ICAM2: variants seen among roughly 807,000 people sequenced by gnomAD.
ICAM2 encodes the protein ICAM-2.
Under a neutral mutation model 19.1 loss-of-function variants are expected in ICAM2, and 14 were observed. That is an observed-to-expected ratio of 0.73 (90% CI 0.48 to 1.15). The LOEUF is 1.15. ICAM2 is among the 50% of genes most tolerant of loss of function. The pLI is 0.00. For missense variants in ICAM2, 311 were observed against 355.4 expected, an observed-to-expected ratio of 0.88 and a Z score of 1.00; for synonymous variants, 153 against 152.7, an observed-to-expected ratio of 1.00 and a Z score of -0.01.
At chr17:64,003,303 G>A (rs1364629315) in intron 4 of ICAM2, 4 of 436,648 alleles carry the variant, frequency 9.2e-6, no homozygotes, top group South Asian at 2.7e-5. Context: ...TGTGCCGGCC[G>A]TCCAGGGTCA....
intron 2 of ICAM2, 170 bp downstream of exon 2, chr17:64,006,461 T>TGATAG: frequency 1.6e-6 from 1 of 620,102 alleles, no homozygotes; most frequent in South Asian, 2.0e-5. Flanking sequence ...CATGCCACTG[T>TGATAG]ACTCCAGCCT....
intron 1 of ICAM2, among the ~76,000 whole-genome samples, chr17:64,013,612 G>GA (rs1911539823): frequency 6.6e-6 from 1 of 152,060 alleles, no homozygotes; most frequent in Non-Finnish European, 1.5e-5. Flanking sequence ...GTCAAAGGAT[G>GA]AAAAAGATAT....
intron 1 of ICAM2, among the ~76,000 whole-genome samples, chr17:64,010,551 A>AC (rs1485635609): frequency 1.3e-4 from 19 of 151,718 alleles, no homozygotes; most frequent in African/African-American, 3.6e-4. Context: ...AAAAAAAAAA[A>AC]AAACTATTAG....
At position 64,009,924 on chromosome 17, in the gene ICAM2, C is replaced by T. The variant is rs551996412; in HGVS notation, c.-44-3189G>A. ...ACTGATGCCAGCCAGTCTGCAGGAC[C>T]CAATTGATGCCAGCTGGCCTGAAGG... On this transcript the variant is annotated intron_variant, in intron 1 of 4. Transcript: ENST00000579788. Among the ~76,000 whole-genome samples, 4 of 152,234 alleles carry T rather than the reference C, an allele frequency of 2.6e-5. No individual in the cohort carries two copies. The South Asian group carries it at 8.3e-4, about 32-fold the overall frequency.
At position 64,005,114 on chromosome 17, in the gene ICAM2, G is replaced by A. The variant is rs745429341; in HGVS notation, c.321C>T (p.Ser107=). The change falls in exon 3 of 5, where the codon AGC becomes AGT. Residue 107 remains serine, a synonymous_variant. Transcript: ENST00000579788. The part of the protein sequence containing the change: ...GKQESMNSNV[S]VYQPPRQVIL... ...CGCAGCACAGCCACTCACGGTACAC[G>A]CTGACGTTGGAATTCATTGACTCCT... 1.7e-4 allele frequency: 280 copies of A among 1,613,980 alleles called. 1 individual carries two copies. Among genetic ancestry groups the A allele is most frequent in the Non-Finnish European group, 2.1e-4 (249 of 1,180,002 alleles).
Position 64,003,731 on chromosome 17 carries a change from AG to A in ICAM2, c.561del (p.Phe188SerfsTer9). On this transcript the variant is annotated frameshift_variant, in exon 4 of 5. Transcript: ENST00000579788. LOFTEE classifies it high-confidence loss of function. ...AAGTCCAGCACAGCCAGGCAGGAGA[AG>A]TTGCGGTGGCCATCCTCTCTGTCAG... The part of the protein sequence containing the change: ...STADREDGHR[N>X]FSCLAVLDLM... The A allele has an allele frequency of 6.2e-7, 1 of 1,614,180 alleles. No homozygotes were observed. Among genetic ancestry groups the A allele is most frequent in the African/African-American group, 1.3e-5 (1 of 75,070 alleles).
chr17:64,006,935 C>T (rs1158700656), intron 1 of ICAM2, 200 bp from the exon 2 acceptor site: 5 of 559,694 alleles, frequency 8.9e-6, no homozygotes, highest in Non-Finnish European at 1.6e-5. Flanking sequence ...TAACCCAGTC[C>T]TCCCTGCTGA....
intron 2 of ICAM2, chr17:64,005,882 G>A (rs1356927059): frequency 4.9e-5 from 8 of 162,210 alleles, no homozygotes; most frequent in Non-Finnish European, 1.1e-4. Flanking sequence ...CTGCCCTGGC[G>A]GAGCTCCAGT....
At chr17:64,017,020 G>T (rs1285391700) in intron 1 of ICAM2, among the ~76,000 whole-genome samples, 1 of 152,208 alleles carries the variant, frequency 6.6e-6, no homozygotes, top group Non-Finnish European at 1.5e-5. Flanking sequence ...CTTCTATGTT[G>T]TTTTTAATGA....
chr17:64,019,650 C>T (rs1445179167), intron 1 of ICAM2, among the ~76,000 whole-genome samples: 2 of 151,752 alleles, frequency 1.3e-5, no homozygotes, highest in Non-Finnish European at 2.9e-5. Flanking sequence ...CCTGTCGCTA[C>T]CAAAAACACA....
chr17:64,008,933 A>T (rs566082179), intron 1 of ICAM2, among the ~76,000 whole-genome samples: 11 of 152,320 alleles, frequency 7.2e-5, no homozygotes, highest in Admixed American at 2.0e-4. Flanking sequence ...CCCCGAAAGC[A>T]CAGGCCCCAG....
rs1436349218 is a variant in ICAM2 at position 64,002,825 on chromosome 17, C to G, written c.750G>C (p.Gln250His). 13 of 1,613,816 alleles carry G rather than the reference C, an allele frequency of 8.1e-6. No individual in the cohort carries two copies. Among genetic ancestry groups the G allele is most frequent in the Non-Finnish European group, 1.0e-5 (12 of 1,180,008 alleles). The change falls in exon 5 of 5, where the codon CAG becomes CAC. Residue 250 changes from glutamine (Q) to histidine (H), a missense_variant. Transcript: ENST00000579788. The stretch of plus-strand genomic sequence containing the variant: ...TGCCCATCCGCTGCTGGCGCAAGTG[C>G]TGGCCGAAGATGAAGCAGAGCAGGA... ...TSVLLCFIFGQHLRQQRMGTY... is the reference protein window; with the variant it reads ...TSVLLCFIFGHHLRQQRMGTY...
intron 1 of ICAM2, among the ~76,000 whole-genome samples, chr17:64,008,713 C>G (rs750692184): frequency 6.6e-6 from 1 of 152,160 alleles, no homozygotes; most frequent in Non-Finnish European, 1.5e-5. Context: ...TCCCAGGAGA[C>G]CCTCAAGAGG....
chr17:64,017,590 G>A (rs564012336), intron 1 of ICAM2, among the ~76,000 whole-genome samples: 271 of 152,292 alleles, frequency 1.8e-3, no homozygotes, highest in Non-Finnish European at 2.8e-3. Flanking sequence ...GAAACTGAAA[G>A]CTGATTTTAA....
intron 1 of ICAM2, among the ~76,000 whole-genome samples, chr17:64,019,826 A>G (rs1911874713): frequency 6.6e-6 from 1 of 151,012 alleles, no homozygotes; most frequent in South Asian, 2.1e-4. Flanking sequence ...TCAAAAAAAA[A>G]AAAAAAAAAA....
intron 1 of ICAM2, among the ~76,000 whole-genome samples, chr17:64,012,777 C>T (rs575956239): frequency 1.8e-4 from 28 of 152,170 alleles, no homozygotes; most frequent in African/African-American, 5.3e-4. Context: ...GTAGGTTATA[C>T]GAAAATGCTA....
intron 1 of ICAM2, among the ~76,000 whole-genome samples, chr17:64,019,948 A>G (rs999631651): frequency 2.6e-5 from 4 of 152,062 alleles, no homozygotes; most frequent in Non-Finnish European, 4.4e-5. Flanking sequence ...TGTATGTTAC[A>G]TAAGCTTTTT....
chr17:64,010,287 C>T (rs1009160225), intron 1 of ICAM2, among the ~76,000 whole-genome samples: 1 of 152,170 alleles, frequency 6.6e-6, no homozygotes, highest in Non-Finnish European at 1.5e-5. Flanking sequence ...AGAAGAAACT[C>T]GGGGTCCTTC....
intron 2 of ICAM2, 84 bp from the exon 3 acceptor site, chr17:64,005,457 T>G: frequency 6.7e-7 from 1 of 1,485,624 alleles, no homozygotes; most frequent in South Asian, 1.3e-5. Context: ...GCAGTCTGGC[T>G]CCTGGGTCAG....
Sources: gnomAD v4.1 joint callset for allele counts (sites outside exome capture counted in the v4.1 genomes callset) on GRCh38, gnomAD v4.1.1 for gene constraint, MANE v1.5 for transcripts, NCBI Gene and HGNC (gene_info 2026-07-23, HGNC 2026-07-21) for gene names.